Variants in PKD1 observed in about 807,000 individuals in gnomAD.
PKD1 encodes polycystin-1.
A neutral mutation model predicts 361.7 loss-of-function variants in PKD1; 81 were observed. The observed-to-expected ratio is 0.22, with a 90% confidence interval of 0.19 to 0.27. PKD1 has a LOEUF of 0.27. Among genes scored for constraint, PKD1 ranks in the 10% least tolerant of loss-of-function variants. PKD1 has a pLI of 1.00. For missense variants in PKD1, 6,399 were observed against 6,118.3 expected, an observed-to-expected ratio of 1.05 and a Z score of -1.53; for synonymous variants, 3,615 against 2,818.3, an observed-to-expected ratio of 1.28 and a Z score of -8.95.
intron 32 of PKD1, 46 bp from the exon 33 acceptor site, chr16:2,097,549 A>G (rs1258402318): frequency 2.5e-6 from 4 of 1,603,616 alleles, no homozygotes; most frequent in South Asian, 1.1e-5. Context: ...TGTGTCACAC[A>G]CACAGCCCAC....
Position 2,094,143 on chromosome 16 carries a change from T to C in PKD1, c.10567A>G (p.Ser3523Gly), listed in dbSNP as rs2091738300. 6.3e-7 allele frequency: 1 copy of C among 1,599,156 alleles called. No homozygotes were observed. Among genetic ancestry groups the C allele is most frequent in the Non-Finnish European group, 8.5e-7 (1 of 1,173,178 alleles). ...GGCTGTTCCCAGTTCAGGCCTGGGC[T>C]GGGTGGCCCCAGCTCCCCCAGCCTC... ...LQRLGELGPP[S>G]PGLNWEQPQA... The change falls in exon 35 of 46, where the codon AGC (serine) becomes GGC (glycine). Residue 3523 changes from serine to glycine, a missense_variant. By Grantham distance (56) the Ser-to-Gly change is moderately conservative (BLOSUM62 0). Coordinates refer to ENST00000262304, the MANE Select transcript of PKD1 (RefSeq NM_001009944.3).
In PKD1 at chr16:2,112,366, T is replaced by C. The variant is rs750288921; in HGVS notation, c.3269A>G (p.Asn1090Ser). Reference protein sequence around the residue: ...PSVAQVLVEHNVMHTYAAPGE... With the variant: ...PSVAQVLVEHSVMHTYAAPGE... Reference sequence around the variant, plus strand: ...TGGGGCAGCGTAGGTGTGCATGACATTGTGCTCCACCAGCACCTGGGCCAC... The same window carrying C: ...TGGGGCAGCGTAGGTGTGCATGACACTGTGCTCCACCAGCACCTGGGCCAC... The change falls in exon 14 of 46, where the codon AAT (asparagine) becomes AGT (serine). Residue 1090 changes from asparagine (N) to serine (S), a missense_variant. Physicochemically the swap from Asn to Ser is conservative, Grantham distance 46 (BLOSUM62 1). Coordinates refer to ENST00000262304, the MANE Select transcript of PKD1 (RefSeq NM_001009944.3). The C allele has an allele frequency of 2.1e-5, 34 of 1,586,482 alleles. No individual in the cohort carries two copies. The East Asian group carries it at 5.4e-4, about 25-fold the overall frequency.
chr16:2,109,046 G>A lies in PKD1; in HGVS notation c.6121C>T (p.Arg2041Cys), dbSNP rs757093617. Residue 2041 changes from arginine (R) to cysteine (C), a missense_variant, in exon 15 of 46, where the codon CGC becomes TGC. Transcript: ENST00000262304. Reference protein sequence around the residue: ...VAAGLLEIQVRAFNALGSENR... With the variant: ...VAAGLLEIQVCAFNALGSENR... The stretch of plus-strand genomic sequence containing the variant: ...TCACTGCCCAGGGCGTTGAAGGCGC[G>A]CACCTGGATCTCCAACAGCCCCGCG... 5.0e-6 allele frequency: 8 copies of A among 1,607,608 alleles called. No individual in the cohort carries two copies. Among genetic ancestry groups the A allele is most frequent in the South Asian group, 2.2e-5 (2 of 90,968 alleles).
In PKD1 at chr16:2,109,533, C is replaced by A; in HGVS notation, c.5634G>T (p.Thr1878=). The A allele has an allele frequency of 1.2e-6, 2 of 1,611,168 alleles. No individual in the cohort carries two copies. The highest frequency in any genetic ancestry group is 1.7e-6 in the Non-Finnish European group (2 of 1,179,430). Residue 1878 remains threonine (T), a synonymous_variant, in exon 15 of 46, where the codon ACG becomes ACT. Coordinates refer to ENST00000262304, the MANE Select transcript of PKD1 (RefSeq NM_001009944.3). ...ASNAVSWVSA[T]YNLTAEEPIV... Reference sequence around the variant, plus strand: ...TGGGCTCCTCCGCCGTGAGGTTGTACGTGGCTGAGACCCAGCTGACTGCGT... The same window carrying A: ...TGGGCTCCTCCGCCGTGAGGTTGTAAGTGGCTGAGACCCAGCTGACTGCGT...
Position 2,135,388 on chromosome 16 carries a change from G to A in PKD1, c.215+87C>T, listed in dbSNP as rs1030464949. ...TCGCCCTGGGAGCGTCCTGGCCCGC[G>A]TCCTGCTTCCCGTCCCGGGCCAGGG... On this transcript the variant is annotated intron_variant, in intron 1 of 45. Transcript: ENST00000262304. 16 of 1,079,380 alleles carry A rather than the reference G, an allele frequency of 1.5e-5. 1 individual carries two copies. The highest frequency in any genetic ancestry group is 6.8e-5 in the African/African-American group (4 of 58,950). The allele number at this position is 1,079,380 out of a possible 1,614,324, so 66.9% of individuals were successfully genotyped here. A position where few individuals can be genotyped will look rare whatever the true frequency, so the allele number is the denominator to read the frequency against.
At chr16:2,113,936 G>A (rs1285550997) in intron 11 of PKD1, 2 of 590,432 alleles carry the variant, frequency 3.4e-6, no homozygotes, top group African/African-American at 3.7e-5. Flanking sequence ...AATTCATTTT[G>A]TGAAATGAGA....
At position 2,112,426 on chromosome 16, in the gene PKD1, G is replaced by A. The variant is rs1376860364; in HGVS notation, c.3209C>T (p.Pro1070Leu). The change falls in exon 14 of 46, where the codon CCG becomes CTG. Residue 1070 changes from proline (P) to leucine (L), a missense_variant. By Grantham distance (98) the Pro-to-Leu change is moderately conservative. Coordinates refer to ENST00000262304, the MANE Select transcript of PKD1 (RefSeq NM_001009944.3). Reference sequence around the variant, plus strand: ...TGGAACCGGGAAGGACTCGTTGTACGGAGGCTGGAACTGGTGGAGGGCCTG... The same window carrying A: ...TGGAACCGGGAAGGACTCGTTGTACAGAGGCTGGAACTGGTGGAGGGCCTG... ...GEQALHQFQP[P>L]YNESFPVPDP... 2.5e-6 allele frequency: 4 copies of A among 1,585,456 alleles called. No individual in the cohort carries two copies. Among genetic ancestry groups the A allele is most frequent in the Non-Finnish European group, 3.4e-6 (4 of 1,172,908 alleles).
rs1360526397 is a variant in PKD1, at chr16:2,103,024, G to A, written c.8792-54C>T. On this transcript the variant is annotated intron_variant, in intron 23 of 45. Coordinates refer to ENST00000262304, the MANE Select transcript of PKD1 (RefSeq NM_001009944.3). ...TGCCGGGAAGCTCAACCACCCGGGG[G>A]ACACCCACGATGGCCCTCCTGAGCC... 15 of 1,580,584 alleles carry A rather than the reference G, an allele frequency of 9.5e-6. No homozygotes were observed. The South Asian group carries it at 1.3e-4, about 14-fold the overall frequency.
Position 2,090,915 on chromosome 16 carries a change from G to T in PKD1, c.11972C>A (p.Ala3991Glu). 6.3e-7 allele frequency: 1 copy of T among 1,589,736 alleles called. No individual in the cohort carries two copies. The highest frequency in any genetic ancestry group is 8.5e-7 in the Non-Finnish European group (1 of 1,174,518). ...AQLSSAARGL[A>E]ASLLFLLLVK... is the part of the protein sequence containing the mutation. ...CAAAAGCAGGAAGAGCAGCGAGGCC[G>T]CCAGGCCACGGGCTGCGGAGCTCAG... is the stretch of plus-strand genomic sequence containing the variant. Residue 3991 changes from alanine (A) to glutamate (E), a missense_variant, in exon 43 of 46, where the codon GCG (alanine) becomes GAG (glutamate). Coordinates refer to ENST00000262304, the MANE Select transcript of PKD1 (RefSeq NM_001009944.3).
rs1051667638 is a variant in PKD1, at chr16:2,117,126, G to A, written c.1386-73C>T. ...CTCCCACCCTCACAGCAGCCCGCTGGGAGCCCCATCACTGTCCCCCTTTCC... is the reference window on the plus strand; with the variant it reads ...CTCCCACCCTCACAGCAGCCCGCTGAGAGCCCCATCACTGTCCCCCTTTCC... On this transcript the variant is annotated intron_variant, in intron 6 of 45. Coordinates refer to ENST00000262304, the MANE Select transcript of PKD1 (RefSeq NM_001009944.3). The A allele has an allele frequency of 1.9e-5, 14 of 743,190 alleles. No homozygotes were observed. The African/African-American group carries it at 1.9e-4, about 10-fold the overall frequency. 46.0% of individuals were successfully genotyped at this position (743,190 alleles called of 1,614,324 possible).
chr16:2,113,945 G>A (rs1381789780), intron 11 of PKD1: 4 of 595,852 alleles, frequency 6.7e-6, no homozygotes, highest in Non-Finnish European at 1.2e-5. Flanking sequence ...TGTGAAATGA[G>A]ACAGTGGAAT....
rs771945881 is a variant in PKD1 at position 2,091,150 on chromosome 16, G to T, written c.11737C>A (p.His3913Asn). 5.4e-6 allele frequency: 8 copies of T among 1,476,538 alleles called. No homozygotes were observed. In the East Asian group the frequency reaches 2.3e-4, roughly 42 times the overall value. The allele number at this position is 1,476,538 out of a possible 1,614,324, so 91.5% of individuals were successfully genotyped here. A position where few individuals can be genotyped will look rare whatever the true frequency, so the allele number is the denominator to read the frequency against. ...GTACGGGCCTCGGCCACGGCGAAGT[G>T]CACGGCGAACAGCAGCAGGCACACC... ...TSVCLLLFAVHFAVAEARTWH... is the reference protein window; with the variant it reads ...TSVCLLLFAVNFAVAEARTWH... Residue 3913 changes from histidine to asparagine, a missense_variant, in exon 43 of 46, where the codon CAC becomes AAC. Coordinates refer to ENST00000262304, the MANE Select transcript of PKD1 (RefSeq NM_001009944.3).
At chr16:2,124,439 G>C (rs1231885102) in intron 1 of PKD1, among the ~76,000 whole-genome samples, 2 of 152,228 alleles carry the variant, frequency 1.3e-5, no homozygotes, top group Non-Finnish European at 2.9e-5. Flanking sequence ...GCAGGGCCGG[G>C]AAGTCTTGGG....
Position 2,112,389 on chromosome 16 carries a change from C to A in PKD1, c.3246G>T (p.Val1082=). Reference sequence around the variant, plus strand: ...CATTGTGCTCCACCAGCACCTGGGCCACCGAGGGGTCTGGAACCGGGAAGG... The same window carrying A: ...CATTGTGCTCCACCAGCACCTGGGCAACCGAGGGGTCTGGAACCGGGAAGG... ...NESFPVPDPS[V]AQVLVEHNVM... The change falls in exon 14 of 46, where the codon GTG becomes GTT. Residue 1082 remains valine, a synonymous_variant. Transcript: ENST00000262304. The A allele has an allele frequency of 6.3e-7, 1 of 1,587,758 alleles. No individual in the cohort carries two copies. Among genetic ancestry groups the A allele is most frequent in the Non-Finnish European group, 8.5e-7 (1 of 1,174,550 alleles).
chr16:2,113,066 C>G, intron 12 of PKD1, 95 bp downstream of exon 12: 1 of 1,276,190 alleles, frequency 7.8e-7, no homozygotes, highest in Non-Finnish European at 1.1e-6. Flanking sequence ...CGTCCTCGGG[C>G]AGCATGAAGC....
intron 39 of PKD1, 118 bp downstream of exon 39, chr16:2,092,362 T>G (rs200645148): frequency 1.0e-6 from 1 of 961,912 alleles, no homozygotes. Context: ...GAAACGGCGG[T>G]GTTAAGAGGG....
At chr16:2,133,950 G>A (rs1240642709) in intron 1 of PKD1, among the ~76,000 whole-genome samples, 2 of 150,922 alleles carry the variant, frequency 1.3e-5, no homozygotes, top group African/African-American at 2.5e-5. Flanking sequence ...AGCCACCAGC[G>A]CCCTTCTCTC....
Position 2,090,203 on chromosome 16 carries a change from G to C in PKD1, c.12445-9C>G. 1 of 1,606,640 alleles carries C rather than the reference G, an allele frequency of 6.2e-7. No homozygotes were observed. The highest frequency in any genetic ancestry group is 1.1e-5 in the South Asian group (1 of 90,640). On this transcript the variant is annotated splice_polypyrimidine_tract_variant and intron_variant, in intron 45 of 45. Coordinates refer to ENST00000262304, the MANE Select transcript of PKD1 (RefSeq NM_001009944.3). ...CGGACTTTGTGGCGGAACTGGGGGC[G>C]GCACAGGGGCTCAGTCAGTCCGGCT... is the stretch of plus-strand genomic sequence containing the variant.
rs773153416 is a variant in PKD1 at position 2,100,082 on chromosome 16, G to A, written c.9713-11C>T. The A allele has an allele frequency of 3.7e-6, 6 of 1,603,318 alleles. No homozygotes were observed. Among genetic ancestry groups the A allele is most frequent in the Non-Finnish European group, 5.1e-6 (6 of 1,176,374 alleles). On this transcript the variant is annotated splice_polypyrimidine_tract_variant and intron_variant, in intron 28 of 45. Transcript: ENST00000262304. The surrounding 1 kb of genome is among the most constrained non-coding windows in gnomAD (Gnocchi z 4.4). ...AAAGGGCTGCGTCGCCTAGAAGGCA[G>A]GGAGGGCCGCACTGCAGGAGGCCAC...
Sources: allele counts gnomAD v4.1 joint callset (sites outside exome capture counted in the v4.1 genomes callset), GRCh38; gene constraint gnomAD v4.1.1; non-coding constraint Gnocchi (gnomAD v3.1); transcripts MANE v1.5; gene names NCBI Gene and HGNC (gene_info 2026-07-23, HGNC 2026-07-21).